The following GMDS variants were observed in gnomAD, a reference collection of about 807,000 sequenced individuals.
The protein encoded by GMDS is GDP-mannose 4,6 dehydratase.
Under a neutral mutation model 49.9 loss-of-function variants are expected in GMDS, and 20 were observed. That is an observed-to-expected ratio of 0.40 (90% CI 0.28 to 0.58). The LOEUF (loss-of-function observed/expected upper bound fraction) is 0.58, where lower values mean the gene tolerates loss of function less well. GMDS is among the 20% of genes least tolerant of loss of function. The pLI, the probability that GMDS is intolerant of heterozygous loss-of-function variation, is 0.42. For synonymous variants in GMDS, 177 were observed against 178.6 expected (o/e 0.99, Z 0.07); for missense variants, 362 against 481.4 (o/e 0.75, Z 2.32).
chr6:2,077,980 G>C (rs547771344), intron 4 of GMDS, among the ~76,000 whole-genome samples: 125 of 152,030 alleles, frequency 8.2e-4, no homozygotes, highest in African/African-American at 2.9e-3. Context: ...GTTTGTTCAG[G>C]CTTTCTGTTT....
intron 1 of GMDS, among the ~76,000 whole-genome samples, chr6:2,199,901 G>A (rs1298223366): frequency 6.6e-6 from 1 of 152,116 alleles, no homozygotes; most frequent in Non-Finnish European, 1.5e-5. Flanking sequence ...AGAAGTCTAA[G>A]AATTAAGGAT....
chr6:1,926,978 GAGGGTAGCGTGTTGATGTATTTTTATTC>G (rs1762036992), intron 7 of GMDS, among the ~76,000 whole-genome samples: 1 of 104,174 alleles, frequency 9.6e-6, no homozygotes, highest in African/African-American at 3.1e-5. Context: ...TTTTTATTCA[GAGGGTAGCGTGTTGATGTATTTTTATTC>G]AGAGGGTAGC....
At chr6:1,976,847 G>A (rs1764932010) in intron 4 of GMDS, among the ~76,000 whole-genome samples, 1 of 152,176 alleles carries the variant, frequency 6.6e-6, no homozygotes, top group Non-Finnish European at 1.5e-5. Context: ...GTGCAATACA[G>A]TATTTAGATT....
chr6:2,030,523 C>T (rs548484585), intron 4 of GMDS, among the ~76,000 whole-genome samples: 24 of 152,288 alleles, frequency 1.6e-4, no homozygotes, highest in African/African-American at 5.3e-4. Flanking sequence ...ATTTAAATTT[C>T]CCAAGGATTT....
chr6:2,082,690 C>T (rs1320961383), intron 4 of GMDS, among the ~76,000 whole-genome samples: 1 of 152,144 alleles, frequency 6.6e-6, no homozygotes, highest in Non-Finnish European at 1.5e-5. Context: ...GTTAATGACA[C>T]TTTTAAAAAA....
At chr6:2,056,297 T>C (rs539322235) in intron 4 of GMDS, among the ~76,000 whole-genome samples, 3 of 152,188 alleles carry the variant, frequency 2.0e-5, no homozygotes, top group Non-Finnish European at 2.9e-5. Flanking sequence ...GTCCCTAAAT[T>C]ACAAAGGTGG....
chr6:2,041,947 C>G (rs1291393723), intron 4 of GMDS, among the ~76,000 whole-genome samples: 11 of 152,106 alleles, frequency 7.2e-5, no homozygotes, highest in African/African-American at 2.2e-4. Context: ...TTCCCACATG[C>G]CTATGCACAT....
chr6:1,773,681 C>A (rs1218577793), intron 7 of GMDS, among the ~76,000 whole-genome samples: 1 of 152,196 alleles, frequency 6.6e-6, no homozygotes, highest in Non-Finnish European at 1.5e-5. Flanking sequence ...GAGTGTCTGA[C>A]ACAGGAATTC....
chr6:1,904,283 C>A (rs983911111), intron 7 of GMDS, among the ~76,000 whole-genome samples: 1 of 152,022 alleles, frequency 6.6e-6, no homozygotes, highest in Admixed American at 6.5e-5. Context: ...GGTAGGAAGC[C>A]CCAGCCTTAT....
At chr6:2,028,131 C>A (rs1035743942) in intron 4 of GMDS, among the ~76,000 whole-genome samples, 38 of 152,190 alleles carry the variant, frequency 2.5e-4, no homozygotes, top group African/African-American at 6.0e-4. Flanking sequence ...ATTTTAGCTT[C>A]TTTGAACAAA....
intron 7 of GMDS, among the ~76,000 whole-genome samples, chr6:1,921,162 T>G (rs1214985013): frequency 6.6e-6 from 1 of 152,208 alleles, no homozygotes; most frequent in Non-Finnish European, 1.5e-5. Context: ...AACATGCAAC[T>G]TTATTCTCTA....
chr6:1,930,065 T>C, intron 7 of GMDS, 38 bp downstream of exon 7: 1 of 1,564,366 alleles, frequency 6.4e-7, no homozygotes, highest in Non-Finnish European at 8.8e-7. Flanking sequence ...TATCAATGGA[T>C]ACGGGTATTT....
intron 4 of GMDS, chr6:2,043,507 G>T (rs748831274): frequency 1.3e-5 from 2 of 152,240 alleles, no homozygotes; most frequent in Non-Finnish European, 2.9e-5. Context: ...GCAGCCCCTG[G>T]CACAGAAACA....
At chr6:1,929,453 C>T (rs556624056) in intron 7 of GMDS, among the ~76,000 whole-genome samples, 13 of 152,304 alleles carry the variant, frequency 8.5e-5, no homozygotes, top group African/African-American at 1.4e-4. Context: ...ATACTACTTG[C>T]GTATGTAATA....
chr6:1,663,526 T>A (rs1266483629), intron 9 of GMDS, among the ~76,000 whole-genome samples: 1 of 152,200 alleles, frequency 6.6e-6, no homozygotes, highest in African/African-American at 2.4e-5. Flanking sequence ...ACCAGTGATG[T>A]TTTTGTGAAT....
chr6:1,816,723 G>A (rs1014325714), intron 7 of GMDS, among the ~76,000 whole-genome samples: 7 of 152,108 alleles, frequency 4.6e-5, no homozygotes, highest in Non-Finnish European at 2.9e-5. Flanking sequence ...GTAAAGTTTA[G>A]TGTATTTCTT....
chr6:1,780,855 T>G (rs2113609047), intron 7 of GMDS, among the ~76,000 whole-genome samples: 1 of 152,340 alleles, frequency 6.6e-6, no homozygotes, highest in African/African-American at 2.4e-5. Context: ...GAGACTGAAC[T>G]GTAACCCAGG....
At chr6:1,667,959 T>C (rs951642355) in intron 9 of GMDS, among the ~76,000 whole-genome samples, 3 of 152,190 alleles carry the variant, frequency 2.0e-5, no homozygotes, top group Non-Finnish European at 4.4e-5. Context: ...ATCACAGTTA[T>C]CTCCACATCA....
At chr6:1,772,610 G>C (rs1277249322) in intron 7 of GMDS, among the ~76,000 whole-genome samples, 1 of 152,188 alleles carries the variant, frequency 6.6e-6, no homozygotes, top group African/African-American at 2.4e-5. Context: ...TCATGTGCTG[G>C]ATTATCTAGA....
Sources: allele counts gnomAD v4.1 joint callset (sites outside exome capture counted in the v4.1 genomes callset), GRCh38; gene constraint gnomAD v4.1.1; transcripts MANE v1.5; gene names NCBI Gene and HGNC (gene_info 2026-07-23, HGNC 2026-07-21).